Variants in SDK1 observed in about 807,000 individuals in gnomAD.
SDK1 encodes protein sidekick-1.
Under a neutral mutation model 245.5 loss-of-function variants are expected in SDK1, and 157 were observed. The observed-to-expected ratio is 0.64, with a 90% CI of 0.56 to 0.73. The LOEUF is 0.73. SDK1 is among the 30% of genes least tolerant of loss of function. The pLI is 0.00. For synonymous variants in SDK1, 1,647 were observed against 1,278.5 expected, an observed-to-expected ratio of 1.29 and a Z score of -6.15; for missense variants, 3,583 against 3,002.3, an observed-to-expected ratio of 1.19 and a Z score of -4.52.
chr7:3,776,917 T>G (rs141637607), intron 4 of SDK1, among the ~76,000 whole-genome samples: 2 of 152,222 alleles, frequency 1.3e-5, no homozygotes, highest in East Asian at 3.9e-4. Flanking sequence ...GAGAACTGTA[T>G]CATAGAGCAC....
At position 4,076,854 on chromosome 7, in the gene SDK1, C is replaced by G. The variant is rs929852360; in HGVS notation, c.3011-144C>G. On this transcript the variant is annotated intron_variant, in intron 20 of 44. Transcript: ENST00000404826. ...AGGAGCCTTGACCTGTGTCTCATGT[C>G]AGTAGCACAGTGGCTCTAAGCTGCC... 154 of 659,974 alleles carry G rather than the reference C, an allele frequency of 2.3e-4. 1 individual carries two copies. In the Admixed American group the frequency reaches 4.0e-3, roughly 17 times the overall value. 40.9% of individuals were successfully genotyped at this position (659,974 alleles called of 1,614,324 possible). A position where few individuals can be genotyped will look rare whatever the true frequency, so the allele number is the denominator to read the frequency against.
At chr7:4,113,012 C>G (rs1783447274) in intron 23 of SDK1, among the ~76,000 whole-genome samples, 1 of 152,108 alleles carries the variant, frequency 6.6e-6, no homozygotes. Flanking sequence ...TGCCTCCTGC[C>G]TCAGCCTCCC....
intron 4 of SDK1, among the ~76,000 whole-genome samples, chr7:3,819,440 A>G (rs1779590504): frequency 6.6e-6 from 1 of 152,134 alleles, no homozygotes; most frequent in Non-Finnish European, 1.5e-5. Context: ...GAGAAACAAT[A>G]GGCATATTTG....
intron 4 of SDK1, among the ~76,000 whole-genome samples, chr7:3,804,688 A>G (rs1779196208): frequency 6.6e-6 from 1 of 152,182 alleles, no homozygotes; most frequent in African/African-American, 2.4e-5. Flanking sequence ...TTTCCAATCC[A>G]TGAACTCTTT....
intron 1 of SDK1, among the ~76,000 whole-genome samples, chr7:3,336,800 T>C (rs1418069594): frequency 6.6e-6 from 1 of 152,144 alleles, no homozygotes; most frequent in Non-Finnish European, 1.5e-5. Flanking sequence ...AAAGTGTCAG[T>C]GAGCTGAACT....
Position 4,256,682 on chromosome 7 carries a change from A to C in SDK1, c.6382-8442A>C, listed in dbSNP as rs114567948. On this transcript the variant is annotated intron_variant, in intron 44 of 44. Coordinates refer to ENST00000404826, the MANE Select transcript of SDK1 (RefSeq NM_152744.4). The stretch of plus-strand genomic sequence containing the variant: ...AATGTACGTCCTCGGCCCTGGCTTC[A>C]AGCCAGTGTTTTGACACAGCATTTT... Among the ~76,000 whole-genome samples, 1,042 of 152,342 alleles carry C rather than the reference A, an allele frequency of 6.8e-3. 11 individuals are homozygous for C. The highest frequency in any genetic ancestry group is 0.02 in the African/African-American group (839 of 41,584).
chr7:3,945,899 TAAAAAAAAAA>T (rs754101246), intron 5 of SDK1, among the ~76,000 whole-genome samples: 71 of 13,682 alleles, frequency 5.2e-3, no homozygotes, highest in African/African-American at 8.6e-3. Flanking sequence ...ACTCTGTCTG[TAAAAAAAAAA>T]AAAAAAAAAA....
At chr7:3,555,695 A>C (rs1269111662) in intron 1 of SDK1, among the ~76,000 whole-genome samples, 1 of 152,212 alleles carries the variant, frequency 6.6e-6, no homozygotes, top group East Asian at 1.9e-4. Context: ...AGTAACCAGC[A>C]TATATAAGGA....
At chr7:3,889,056 C>T (rs529780024) in intron 5 of SDK1, among the ~76,000 whole-genome samples, 14 of 152,238 alleles carry the variant, frequency 9.2e-5, no homozygotes, top group South Asian at 4.2e-4. Context: ...CATAATCAAC[C>T]GTGGCTCTTG....
At chr7:3,951,633 A>T in intron 6 of SDK1, 97 bp from the exon 7 acceptor site, 1 of 1,072,672 alleles carries the variant, frequency 9.3e-7, no homozygotes, top group Non-Finnish European at 1.4e-6. Flanking sequence ...CCCTGGTAGC[A>T]TTAGCTTCGT....
chr7:3,765,800 C>G (rs1310803977), intron 4 of SDK1, among the ~76,000 whole-genome samples: 3 of 152,014 alleles, frequency 2.0e-5, no homozygotes, highest in African/African-American at 7.2e-5. Context: ...ATGTAAAAGG[C>G]TGGCTGTTTT....
intron 12 of SDK1, 73 bp from the exon 13 acceptor site, chr7:3,974,296 T>C (rs1782722933): frequency 7.3e-7 from 1 of 1,364,578 alleles, no homozygotes; most frequent in Admixed American, 2.0e-5. Context: ...GCTTGCTTTT[T>C]AAGAGACAGG....
In SDK1 at chr7:3,357,335, T is replaced by G. The variant is rs1293396769; in HGVS notation, c.298+55451T>G. ...TGCTCCCCTTCTTTTAGTGTTTTTTTTTTTTTTTTTTTTTTTTTTTTTTTT... is the reference window on the plus strand; with the variant it reads ...TGCTCCCCTTCTTTTAGTGTTTTTTGTTTTTTTTTTTTTTTTTTTTTTTTT... On this transcript the variant is annotated intron_variant, in intron 1 of 44. Transcript: ENST00000404826. Among the ~76,000 whole-genome samples, 6 of 16,438 alleles carry G rather than the reference T, an allele frequency of 3.7e-4. No homozygotes were observed. In the East Asian group the frequency reaches 6.9e-3, roughly 19 times the overall value. The allele number at this position is 16,438 out of a possible 152,430, so 10.8% of individuals were successfully genotyped here.
intron 28 of SDK1, among the ~76,000 whole-genome samples, chr7:4,144,078 G>T (rs530358317): frequency 2.0e-5 from 3 of 151,810 alleles, no homozygotes; most frequent in Non-Finnish European, 2.9e-5. Context: ...CGGGAGGCCT[G>T]TGGGAAGAGC....
rs569340036 is a variant in SDK1, at chr7:3,598,199, A to G, written c.299-20881A>G. Among the ~76,000 whole-genome samples, 12 of 152,222 alleles carry G rather than the reference A, an allele frequency of 7.9e-5. No individual in the cohort carries two copies. In the South Asian group the frequency reaches 2.5e-3, roughly 32 times the overall value. On this transcript the variant is annotated intron_variant, in intron 1 of 44. Transcript: ENST00000404826. ...GTGGGCTGTTTGTAGATCTTCCTTT[A>G]GGAAGTGCATGTTCAAGCCTTTTGC...
chr7:3,618,485 T>G (rs13242647), intron 1 of SDK1, among the ~76,000 whole-genome samples: 88 of 152,360 alleles, frequency 5.8e-4, no homozygotes, highest in Admixed American at 1.3e-3. Context: ...TGTTGCTATG[T>G]GTAGCAATTG....
In SDK1 at chr7:4,137,404, G is replaced by A. The variant is rs185088126; in HGVS notation, c.4228+4981G>A. Among the ~76,000 whole-genome samples the A allele has an allele frequency of 3.4e-3, 514 of 152,306 alleles. 3 individuals carry two copies. Among genetic ancestry groups the A allele is most frequent in the Non-Finnish European group, 4.7e-3 (320 of 68,030 alleles). Reference sequence around the variant, plus strand: ...GACCTGGAGCTGAGATGCCTACAAGGCTTCCAGTATCCAGCCTCAGCTCCT... The same window carrying A: ...GACCTGGAGCTGAGATGCCTACAAGACTTCCAGTATCCAGCCTCAGCTCCT... On this transcript the variant is annotated intron_variant, in intron 28 of 44. Transcript: ENST00000404826.
chr7:4,000,173 T>A (rs1008817226), intron 14 of SDK1, among the ~76,000 whole-genome samples: 5 of 152,112 alleles, frequency 3.3e-5, no homozygotes, highest in African/African-American at 1.2e-4. Flanking sequence ...GACGTGGAAG[T>A]AGGAGGCCTG....
chr7:3,394,470 A>G (rs960447518), intron 1 of SDK1, among the ~76,000 whole-genome samples: 1 of 151,392 alleles, frequency 6.6e-6, no homozygotes, highest in Non-Finnish European at 1.5e-5. Context: ...AAAGACCTCC[A>G]GTTTTTTTTC....
Sources: allele counts gnomAD v4.1 joint callset (sites outside exome capture counted in the v4.1 genomes callset), GRCh38; gene constraint gnomAD v4.1.1; transcripts MANE v1.5; gene names NCBI Gene and HGNC (gene_info 2026-07-23, HGNC 2026-07-21).